Variants in TAFA5 observed in about 807,000 individuals in gnomAD.
TAFA5 encodes the protein chemokine-like protein TAFA-5.
A neutral mutation model predicts 15.3 loss-of-function variants in TAFA5; 6 were observed. The ratio of observed to expected loss-of-function variants is 0.39; its 90% CI spans 0.21 to 0.77. TAFA5 has a LOEUF of 0.77. Ranked by LOEUF, TAFA5 falls within the 30% of genes least tolerant of loss-of-function variation. TAFA5 has a pLI of 0.41. For missense variants in TAFA5, 161 were observed against 193.1 expected, an observed-to-expected ratio of 0.83 and a Z score of 0.98; for synonymous variants, 103 against 80.7, an observed-to-expected ratio of 1.28 and a Z score of -1.48.
intron 2 of TAFA5, among the ~76,000 whole-genome samples, chr22:48,669,852 T>C (rs1927745110): frequency 6.6e-6 from 1 of 152,244 alleles, no homozygotes; most frequent in Non-Finnish European, 1.5e-5. Flanking sequence ...ATGAAGGCTA[T>C]TGCAAAGCTG....
intron 2 of TAFA5, among the ~76,000 whole-genome samples, chr22:48,653,268 C>G (rs368872254): frequency 6.6e-6 from 1 of 152,204 alleles, no homozygotes; most frequent in East Asian, 1.9e-4. Context: ...CCCTGGGATG[C>G]GGGCACCATG....
At chr22:48,708,958 C>T (rs1167437837) in intron 3 of TAFA5, among the ~76,000 whole-genome samples, 2 of 152,282 alleles carry the variant, frequency 1.3e-5, no homozygotes, top group African/African-American at 2.4e-5. Flanking sequence ...AGGAGAACCA[C>T]GGATCCCTGG....
intron 1 of TAFA5, among the ~76,000 whole-genome samples, chr22:48,576,114 T>C (rs1189753042): frequency 8.4e-6 from 1 of 119,384 alleles, no homozygotes; most frequent in African/African-American, 3.1e-5. Context: ...GCGGTGCGGC[T>C]CCGGGGGCGG....
chr22:48,574,354 G>T (rs1034799914), intron 1 of TAFA5, among the ~76,000 whole-genome samples: 3 of 152,164 alleles, frequency 2.0e-5, no homozygotes, highest in African/African-American at 7.2e-5. Flanking sequence ...TCCCCTGGCC[G>T]GCTGCTGGGC....
chr22:48,604,617 G>C (rs35617297), intron 1 of TAFA5, among the ~76,000 whole-genome samples: 102,963 of 152,136 alleles, frequency 0.68, 35,212 homozygotes, highest in African/African-American at 0.73. Flanking sequence ...CTTTGTTTTC[G>C]AAATTTCTCC....
In TAFA5 at chr22:48,590,318, C is replaced by T. The variant is rs1386158945; in HGVS notation, c.113-56279C>T. On this transcript the variant is annotated intron_variant, in intron 1 of 3. Coordinates refer to ENST00000402357, the MANE Select transcript of TAFA5 (RefSeq NM_001082967.3). Reference sequence around the variant, plus strand: ...CATTGCCCAGAGCAAGGGCACGCACCGCTGTTGGCCTGCAAGATGGTTTTA... The same window carrying T: ...CATTGCCCAGAGCAAGGGCACGCACTGCTGTTGGCCTGCAAGATGGTTTTA... 3.9e-5 allele frequency among the ~76,000 whole-genome samples: 6 copies of T among 152,200 alleles called. No individual in the cohort carries two copies. The East Asian group carries it at 7.7e-4, about 20-fold the overall frequency.
At chr22:48,649,635 C>T (rs1926983671) in intron 2 of TAFA5, among the ~76,000 whole-genome samples, 1 of 152,080 alleles carries the variant, frequency 6.6e-6, no homozygotes, top group African/African-American at 2.4e-5. Flanking sequence ...GGGGCAGAGG[C>T]GTGGCGGTCT....
At chr22:48,718,269 G>T (rs899350746) in intron 3 of TAFA5, among the ~76,000 whole-genome samples, 3 of 152,212 alleles carry the variant, frequency 2.0e-5, no homozygotes, top group Non-Finnish European at 4.4e-5. Flanking sequence ...GGGCCCCGCT[G>T]TGGCCGTCAT....
intron 3 of TAFA5, among the ~76,000 whole-genome samples, chr22:48,722,151 C>T (rs569120952): frequency 4.2e-4 from 64 of 152,270 alleles, no homozygotes; most frequent in African/African-American, 1.2e-3. Context: ...TTTACACTCC[C>T]ACCAACAGTG....
intron 1 of TAFA5, among the ~76,000 whole-genome samples, chr22:48,585,534 C>CA (rs1388746496): frequency 1.3e-5 from 2 of 151,206 alleles, no homozygotes; most frequent in Non-Finnish European, 2.9e-5. Flanking sequence ...ACACCACTCA[C>CA]AAAAAACATC....
intron 1 of TAFA5, among the ~76,000 whole-genome samples, chr22:48,619,248 G>A (rs1053945727): frequency 7.2e-5 from 11 of 152,182 alleles, no homozygotes; most frequent in Non-Finnish European, 7.3e-5. Context: ...AGAGGGTGCC[G>A]TCAGGGTTGG....
At chr22:48,571,219 T>C (rs1252747387) in intron 1 of TAFA5, among the ~76,000 whole-genome samples, 1 of 152,022 alleles carries the variant, frequency 6.6e-6, no homozygotes, top group Non-Finnish European at 1.5e-5. Context: ...AAAGCAAAAT[T>C]CAGTATCAGC....
chr22:48,631,779 T>C (rs936711219), intron 1 of TAFA5, among the ~76,000 whole-genome samples: 1 of 152,062 alleles, frequency 6.6e-6, no homozygotes, highest in Non-Finnish European at 1.5e-5. Context: ...TTGCTAGACA[T>C]CGCGGAATGT....
At chr22:48,534,638 C>T (rs1014926873) in intron 1 of TAFA5, among the ~76,000 whole-genome samples, 1 of 152,196 alleles carries the variant, frequency 6.6e-6, no homozygotes, top group Non-Finnish European at 1.5e-5. Flanking sequence ...GGAATATCTC[C>T]TCTAGGTGCT....
At chr22:48,692,387 A>G (rs1035669796) in intron 2 of TAFA5, among the ~76,000 whole-genome samples, 2 of 152,226 alleles carry the variant, frequency 1.3e-5, no homozygotes, top group Non-Finnish European at 2.9e-5. Context: ...TTTTGGGACC[A>G]TTAGAGGCAA....
chr22:48,571,630 G>GT (rs1330860956), intron 1 of TAFA5, among the ~76,000 whole-genome samples: 1 of 96,208 alleles, frequency 1.0e-5, no homozygotes, highest in Non-Finnish European at 2.0e-5. Flanking sequence ...ATTCTGCAAG[G>GT]TTTTCTTGCA....
intron 1 of TAFA5, among the ~76,000 whole-genome samples, chr22:48,498,724 G>T (rs75797834): frequency 0.038 from 5,746 of 152,212 alleles, 191 homozygotes; most frequent in African/African-American, 0.089. Flanking sequence ...CCCCCCACTT[G>T]ATGCCAGGGG....
intron 3 of TAFA5, among the ~76,000 whole-genome samples, chr22:48,732,342 C>T (rs150631944): frequency 0.012 from 1,822 of 152,242 alleles, 33 homozygotes; most frequent in African/African-American, 0.042. Flanking sequence ...CTGCAAGCTC[C>T]GCCTCCCGGG....
At chr22:48,732,204 G>A (rs1204151487) in intron 3 of TAFA5, among the ~76,000 whole-genome samples, 4 of 152,136 alleles carry the variant, frequency 2.6e-5, no homozygotes, top group Non-Finnish European at 5.9e-5. Context: ...GAACTTGAAC[G>A]GATGGGGAGG....
Sources: gnomAD v4.1 joint callset for allele counts (sites outside exome capture counted in the v4.1 genomes callset) on GRCh38, gnomAD v4.1.1 for gene constraint, MANE v1.5 for transcripts, NCBI Gene and HGNC (gene_info 2026-07-23, HGNC 2026-07-21) for gene names.